Variants in B2M observed in about 807,000 individuals in gnomAD.
The protein encoded by B2M is beta-2-microglobulin.
B2M carries 3 observed loss-of-function variants against 14.5 expected under a neutral mutation model. The ratio of observed to expected loss-of-function variants is 0.21; its 90% CI spans 0.09 to 0.53. The LOEUF (loss-of-function observed/expected upper bound fraction) is 0.53, where lower values mean the gene tolerates loss of function less well. Among genes scored for constraint, B2M ranks in the 20% least tolerant of loss-of-function variants. B2M has a pLI of 0.95. For missense variants in B2M, 107 were observed against 140.8 expected (o/e 0.76, Z 1.21); for synonymous variants, 45 against 52.7 (o/e 0.85, Z 0.64).
At chr15:44,712,581 C>T (rs1028535645) in intron 1 of B2M, among the ~76,000 whole-genome samples, 2 of 152,210 alleles carry the variant, frequency 1.3e-5, no homozygotes, top group African/African-American at 2.4e-5. Flanking sequence ...CTGCCTTCTG[C>T]GTGAGATTCT....
At chr15:44,712,619 T>C (rs2086891784) in intron 1 of B2M, among the ~76,000 whole-genome samples, 1 of 152,260 alleles carries the variant, frequency 6.6e-6, no homozygotes, top group Non-Finnish European at 1.5e-5. Flanking sequence ...GCATGGGCCC[T>C]GTGGTCTTTT....
At chr15:44,711,652 C>A in intron 1 of B2M, 39 bp downstream of exon 1, 2 of 1,587,828 alleles carry the variant, frequency 1.3e-6, no homozygotes, top group Non-Finnish European at 8.6e-7. Flanking sequence ...TCCTTCCTCT[C>A]CCGCTCTGCA....
intron 1 of B2M, chr15:44,714,948 G>T: frequency 2.5e-5 from 5 of 200,768 alleles, no homozygotes; most frequent in East Asian, 1.4e-4. Flanking sequence ...AAAAATGGAA[G>T]GGGTGGAAAC....
At chr15:44,716,673 T>C (rs2086945329) in intron 3 of B2M, 2 of 449,232 alleles carry the variant, frequency 4.5e-6, no homozygotes, top group Admixed American at 3.7e-5. Context: ...CATTTCCACA[T>C]TGGACATCTC....
chr15:44,712,204 G>T (rs571424868), intron 1 of B2M, among the ~76,000 whole-genome samples: 29 of 152,346 alleles, frequency 1.9e-4, no homozygotes, highest in African/African-American at 6.7e-4. Context: ...GAAACAGCAC[G>T]CGACGTTTGT....
At chr15:44,711,694 C>A in intron 1 of B2M, 81 bp downstream of exon 1, 1 of 1,485,120 alleles carries the variant, frequency 6.7e-7, no homozygotes. Flanking sequence ...CTCTCTCGCT[C>A]CGTGACTTCC....
At chr15:44,715,841 T>G in intron 2 of B2M, 140 bp downstream of exon 2, 1 of 1,066,962 alleles carries the variant, frequency 9.4e-7, no homozygotes, top group Non-Finnish European at 1.4e-6. Context: ...AATCTGCATA[T>G]TGGGATTGTC....
At chr15:44,715,868 G>C (rs1249037806) in intron 2 of B2M, 167 bp downstream of exon 2, 2 of 903,772 alleles carry the variant, frequency 2.2e-6, no homozygotes, top group Non-Finnish European at 3.5e-6. Flanking sequence ...TGTTCTTAAA[G>C]ATCAGATTAG....
At chr15:44,716,026 G>C (rs770330482) in intron 2 of B2M, 78 of 599,188 alleles carry the variant, frequency 1.3e-4, no homozygotes, top group South Asian at 3.3e-4. Context: ...TTTTGTGGCA[G>C]CTTCAGGTAT....
chr15:44,715,740 G>A (rs2086934060), intron 2 of B2M, 39 bp downstream of exon 2: 7 of 1,611,460 alleles, frequency 4.3e-6, no homozygotes, highest in Non-Finnish European at 5.9e-6. Flanking sequence ...TGAAAGTTGT[G>A]TATGAGTAGT....
chr15:44,713,553 A>T (rs1411398626), intron 1 of B2M: 1 of 152,206 alleles, frequency 6.6e-6, no homozygotes, highest in Non-Finnish European at 1.5e-5. Context: ...ACTCTCCAAA[A>T]GTCATAAAGC....
intron 1 of B2M, chr15:44,711,842 A>G (rs1171382831): frequency 3.0e-6 from 2 of 661,148 alleles, no homozygotes; most frequent in African/African-American, 3.6e-5. Flanking sequence ...GGCGGGGAGC[A>G]GGGGAGACCT....
chr15:44,716,350 C>G lies in B2M; in HGVS notation c.*8C>G. The G allele has an allele frequency of 6.2e-7, 1 of 1,612,010 alleles. No homozygotes were observed. On this transcript the variant is annotated 3_prime_UTR_variant, in exon 3 of 4. Transcript: ENST00000648006. Reference sequence around the variant, plus strand: ...ATAGATCGAGACATGTAAGCAGCATCATGGAGGTAAGTTTTTGACCTTGAG... The same window carrying G: ...ATAGATCGAGACATGTAAGCAGCATGATGGAGGTAAGTTTTTGACCTTGAG...
intron 1 of B2M, chr15:44,712,667 G>C (rs558650514): frequency 6.6e-6 from 1 of 152,428 alleles, no homozygotes; most frequent in African/African-American, 2.4e-5. Context: ...TTGCCTGGTT[G>C]TTTCCAAGAT....
At chr15:44,711,826 C>G in intron 1 of B2M, 1 of 699,940 alleles carries the variant, frequency 1.4e-6, no homozygotes. Flanking sequence ...GCTACTTGCC[C>G]CTTTCGGCGG....
At chr15:44,713,134 G>C (rs2086905211) in intron 1 of B2M, 1 of 152,178 alleles carries the variant, frequency 6.6e-6, no homozygotes, top group South Asian at 2.1e-4. Flanking sequence ...GAGATCTTGA[G>C]CACTTTCTAA....
In B2M at chr15:44,711,611, A is replaced by G. The variant is rs1213728428; in HGVS notation, c.65A>G (p.Gln22Arg). The change falls in exon 1 of 4, where the codon CAG becomes CGG. Residue 22 changes from glutamine to arginine, a missense_variant and splice_region_variant. Coordinates refer to ENST00000648006, the MANE Select transcript of B2M (RefSeq NM_004048.4). ...TCTCTTTCTGGCCTGGAGGCTATCC[A>G]GCGTGAGTCTCTCCTACCCTCCCGC... ...LLSLSGLEAI[Q>R]RTPKIQVYSR... is the part of the protein sequence containing the mutation. The G allele has an allele frequency of 6.2e-7, 1 of 1,613,518 alleles. No homozygotes were observed. Among genetic ancestry groups the G allele is most frequent in the Non-Finnish European group, 8.5e-7 (1 of 1,179,790 alleles).
intron 2 of B2M, 96 bp from the exon 3 acceptor site, chr15:44,716,232 GC>G: frequency 7.1e-7 from 1 of 1,416,974 alleles, no homozygotes. Context: ...TATTCTGCCA[GC>G]CTTATTTCTA....
intron 1 of B2M, chr15:44,712,675 G>C (rs575443863): frequency 6.6e-6 from 1 of 152,422 alleles, no homozygotes; most frequent in East Asian, 1.9e-4. Context: ...TTGTTTCCAA[G>C]ATGTACTGTG....
Sources: gnomAD v4.1 joint callset for allele counts (sites outside exome capture counted in the v4.1 genomes callset) on GRCh38, gnomAD v4.1.1 for gene constraint, MANE v1.5 for transcripts, NCBI Gene and HGNC (gene_info 2026-07-23, HGNC 2026-07-21) for gene names.